The following PIBF1 variants were observed in gnomAD, a reference collection of about 807,000 sequenced individuals.
PIBF1 encodes progesterone-induced-blocking factor 1.
Under a neutral mutation model 112.5 loss-of-function variants are expected in PIBF1, and 90 were observed. The observed-to-expected ratio is 0.80, with a 90% CI of 0.67 to 0.95. The LOEUF is 0.95. Ranked by LOEUF, PIBF1 falls within the 40% of genes least tolerant of loss-of-function variation. The pLI, the probability that PIBF1 is intolerant of heterozygous loss-of-function variation, is 0.00. For synonymous variants in PIBF1, 301 were observed against 288.6 expected (o/e 1.04, Z -0.44); for missense variants, 915 against 852.3 (o/e 1.07, Z -0.92).
intron 9 of PIBF1, among the ~76,000 whole-genome samples, chr13:72,852,295 G>A (rs2138311853): frequency 6.6e-6 from 1 of 152,316 alleles, no homozygotes; most frequent in East Asian, 1.9e-4. Flanking sequence ...GGACACCACT[G>A]CATTCCCCGG....
intron 10 of PIBF1, among the ~76,000 whole-genome samples, chr13:72,883,463 T>A (rs958436737): frequency 9.2e-5 from 14 of 152,168 alleles, no homozygotes; most frequent in African/African-American, 3.4e-4. Context: ...ACATTTTTTT[T>A]AGACAGAGTC....
At chr13:72,858,772 T>G (rs1228923961) in intron 10 of PIBF1, among the ~76,000 whole-genome samples, 2 of 152,206 alleles carry the variant, frequency 1.3e-5, no homozygotes, top group Non-Finnish European at 2.9e-5. Flanking sequence ...TATACAAGTT[T>G]CAAATCATAG....
At chr13:72,851,242 G>A (rs1229924133) in intron 9 of PIBF1, among the ~76,000 whole-genome samples, 3 of 152,180 alleles carry the variant, frequency 2.0e-5, no homozygotes, top group Admixed American at 6.5e-5. Flanking sequence ...CCCAGTCGCA[G>A]CTGCGGACCC....
intron 2 of PIBF1, among the ~76,000 whole-genome samples, chr13:72,787,815 C>A (rs540259314): frequency 1.3e-5 from 2 of 152,028 alleles, no homozygotes; most frequent in Non-Finnish European, 2.9e-5. Context: ...CGTGCCACAA[C>A]GCCCAGCTAA....
intron 10 of PIBF1, among the ~76,000 whole-genome samples, chr13:72,858,039 G>GTGTT (rs2038515737): frequency 6.6e-6 from 1 of 151,348 alleles, no homozygotes; most frequent in African/African-American, 2.4e-5. Flanking sequence ...GTGTGTGTGT[G>GTGTT]TGTGTGTGTG....
chr13:72,876,576 T>C (rs1483026359), intron 10 of PIBF1, among the ~76,000 whole-genome samples: 1 of 152,144 alleles, frequency 6.6e-6, no homozygotes, highest in Non-Finnish European at 1.5e-5. Context: ...TGTAGAGTAT[T>C]TTTACATTAT....
chr13:72,806,737 G>A (rs1413595617), intron 5 of PIBF1, among the ~76,000 whole-genome samples: 3 of 152,158 alleles, frequency 2.0e-5, no homozygotes, highest in African/African-American at 7.2e-5. Context: ...ATTCCATGGT[G>A]TATATGTGCC....
intron 11 of PIBF1, among the ~76,000 whole-genome samples, chr13:72,907,623 A>G (rs1430060240): frequency 6.6e-6 from 1 of 152,102 alleles, no homozygotes; most frequent in Non-Finnish European, 1.5e-5. Context: ...GATCACAGCT[A>G]GTAAGTGTCA....
intron 17 of PIBF1, among the ~76,000 whole-genome samples, chr13:73,002,671 A>G (rs911216263): frequency 6.6e-6 from 1 of 152,080 alleles, no homozygotes; most frequent in Non-Finnish European, 1.5e-5. Flanking sequence ...TCTTTTCACC[A>G]AGTAGATTGT....
chr13:72,888,293 G>A (rs950604615), intron 10 of PIBF1, among the ~76,000 whole-genome samples: 2 of 152,120 alleles, frequency 1.3e-5, no homozygotes, highest in Non-Finnish European at 2.9e-5. Context: ...TTGGGGGAAG[G>A]AGAGCAAATT....
rs867571488 is a variant in PIBF1 at position 72,818,738 on chromosome 13, A to G, written c.673-3111A>G. Reference sequence around the variant, plus strand: ...TAATTCCTCTCCCAGCTTTCTTTTTATCAAACCAGACTGAAAAACTCTCAA... The same window carrying G: ...TAATTCCTCTCCCAGCTTTCTTTTTGTCAAACCAGACTGAAAAACTCTCAA... On this transcript the variant is annotated intron_variant, in intron 5 of 17. Transcript: ENST00000326291. Among the ~76,000 whole-genome samples, 125 of 48,412 alleles carry G rather than the reference A, an allele frequency of 2.6e-3. 1 individual carries two copies. Among genetic ancestry groups the G allele is most frequent in the Admixed American group, 8.0e-3 (26 of 3,250 alleles). The allele number at this position is 48,412 out of a possible 152,430, so 31.8% of individuals were successfully genotyped here.
chr13:72,795,522 C>A lies in PIBF1; in HGVS notation c.517C>A (p.Pro173Thr). 6.3e-7 allele frequency: 1 copy of A among 1,599,248 alleles called. No homozygotes were observed. The highest frequency in any genetic ancestry group is 1.1e-5 in the South Asian group (1 of 87,824). Reference protein sequence around the residue: ...EEQYIKLKAFPEDQLSIPEYV... With the variant: ...EEQYIKLKAFTEDQLSIPEYV... ...GCAATATATTAAATTAAAAGCTTTTCCTGAAGATCAGCTTTCTATTCCTGA... is the reference window on the plus strand; with the variant it reads ...GCAATATATTAAATTAAAAGCTTTTACTGAAGATCAGCTTTCTATTCCTGA... The change falls in exon 4 of 18, where the codon CCT (proline) becomes ACT (threonine). Residue 173 changes from proline to threonine, a missense_variant. Coordinates refer to ENST00000326291, the MANE Select transcript of PIBF1 (RefSeq NM_006346.4).
intron 10 of PIBF1, among the ~76,000 whole-genome samples, chr13:72,854,996 A>G (rs1239013666): frequency 2.6e-5 from 4 of 152,158 alleles, no homozygotes; most frequent in Admixed American, 2.6e-4. Context: ...AACATTCTAC[A>G]CTTTCAATTG....
intron 9 of PIBF1, among the ~76,000 whole-genome samples, chr13:72,844,482 G>A (rs1453757515): frequency 6.6e-6 from 1 of 151,688 alleles, no homozygotes; most frequent in Non-Finnish European, 1.5e-5. Context: ...AATGCTCTCC[G>A]TCCCCTAGCC....
chr13:72,894,460 T>C (rs931581308), intron 11 of PIBF1, among the ~76,000 whole-genome samples: 4 of 151,982 alleles, frequency 2.6e-5, no homozygotes, highest in African/African-American at 9.7e-5. Flanking sequence ...AATGGAAATA[T>C]ATATCACATT....
chr13:72,819,290 C>G (rs2036434760), intron 5 of PIBF1, among the ~76,000 whole-genome samples: 1 of 152,096 alleles, frequency 6.6e-6, no homozygotes, highest in Non-Finnish European at 1.5e-5. Context: ...TGAACATGGC[C>G]TCTGATCTAA....
intron 10 of PIBF1, among the ~76,000 whole-genome samples, chr13:72,869,421 G>T (rs1218710033): frequency 7.0e-6 from 1 of 142,260 alleles, no homozygotes; most frequent in Non-Finnish European, 1.5e-5. Context: ...AACAATGAGA[G>T]CACATGGACA....
intron 10 of PIBF1, among the ~76,000 whole-genome samples, chr13:72,874,066 G>A (rs1235742959): frequency 6.6e-6 from 1 of 152,136 alleles, no homozygotes; most frequent in Non-Finnish European, 1.5e-5. Flanking sequence ...CACTAGAATG[G>A]CTAGATTTTA....
At chr13:72,845,075 C>T (rs1016369092) in intron 9 of PIBF1, among the ~76,000 whole-genome samples, 4 of 147,538 alleles carry the variant, frequency 2.7e-5, no homozygotes, top group East Asian at 1.9e-4. Context: ...CACCTATCAA[C>T]GGGTCCATCT....
Sources: allele counts gnomAD v4.1 joint callset (sites outside exome capture counted in the v4.1 genomes callset), GRCh38; gene constraint gnomAD v4.1.1; transcripts MANE v1.5; gene names NCBI Gene and HGNC (gene_info 2026-07-23, HGNC 2026-07-21).